Variants in VIRMA observed in about 807,000 individuals in gnomAD.
VIRMA encodes vir like m6A methyltransferase associated.
Under a neutral mutation model 182.4 loss-of-function variants are expected in VIRMA, and 65 were observed. That is an observed-to-expected ratio of 0.36 (90% CI 0.29 to 0.44). The LOEUF is 0.44. VIRMA is among the 20% of genes least tolerant of loss of function. VIRMA has a pLI of 1.00. For synonymous variants in VIRMA, 709 were observed against 743.1 expected, an observed-to-expected ratio of 0.95 and a Z score of 0.75; for missense variants, 1,752 against 2,158.1, an observed-to-expected ratio of 0.81 and a Z score of 3.73.
intron 2 of VIRMA, among the ~76,000 whole-genome samples, chr8:94,539,438 C>T (rs1370294200): frequency 6.6e-6 from 1 of 152,144 alleles, no homozygotes; most frequent in Admixed American, 6.5e-5. Context: ...AATCTTACTA[C>T]ACTTTATGTA....
Position 94,509,746 on chromosome 8 carries a change from A to C in VIRMA, c.3821T>G (p.Val1274Gly), listed in dbSNP as rs1214517019. 1.9e-6 allele frequency: 3 copies of C among 1,614,082 alleles called. No individual in the cohort carries two copies. Among genetic ancestry groups the C allele is most frequent in the Admixed American group, 3.3e-5 (2 of 60,012 alleles). ...ATATTCAACACACTGTTGGCGAATAACACTGTCTCCAGGAGACCGCACCAA... is the reference window on the plus strand; with the variant it reads ...ATATTCAACACACTGTTGGCGAATACCACTGTCTCCAGGAGACCGCACCAA... ...LALVRSPGDS[V>G]IRQQCVEYVT... The change falls in exon 15 of 24, where the codon GTT (valine) becomes GGT (glycine). Residue 1274 changes from valine (V) to glycine (G), a missense_variant. By Grantham distance (109) the Val-to-Gly change is moderately radical. Transcript: ENST00000297591.
chr8:94,538,622 CGGTGTTACA>C (rs143206943), intron 2 of VIRMA, among the ~76,000 whole-genome samples: 1 of 151,576 alleles, frequency 6.6e-6, no homozygotes, highest in African/African-American at 2.4e-5. Context: ...TTTTTTGAGA[CGGTGTTACA>C]GAGTTTCGCT....
intron 10 of VIRMA, 41 bp from the exon 11 acceptor site, chr8:94,514,992 G>A (rs755241909): frequency 5.7e-5 from 55 of 965,970 alleles, no homozygotes; most frequent in Non-Finnish European, 8.3e-5. Flanking sequence ...AAAATAGAAG[G>A]CTTTATAACA....
At chr8:94,544,404 G>A (rs1376971893) in intron 1 of VIRMA, among the ~76,000 whole-genome samples, 1 of 152,076 alleles carries the variant, frequency 6.6e-6, no homozygotes, top group Non-Finnish European at 1.5e-5. Context: ...CGGGCGCAGT[G>A]GCTCACACCT....
chr8:94,490,001 C>A lies in VIRMA; in HGVS notation c.5222G>T (p.Arg1741Leu). 6.2e-7 allele frequency: 1 copy of A among 1,614,154 alleles called. No homozygotes were observed. Among genetic ancestry groups the A allele is most frequent in the Non-Finnish European group, 8.5e-7 (1 of 1,180,010 alleles). The part of the protein sequence containing the change: ...NTPRGNYNES[R>L]GGQSNFNRGP... ...TCTGTTAAAATTGCTCTGGCCTCCA[C>A]GACTTTCATTGTAATTTCCTCGAGG... Residue 1741 changes from arginine (R) to leucine (L), a missense_variant, in exon 23 of 24, where the codon CGT (arginine) becomes CTT (leucine). By Grantham distance (102) the Arg-to-Leu change is moderately radical (BLOSUM62 -2). Transcript: ENST00000297591.
intron 2 of VIRMA, among the ~76,000 whole-genome samples, chr8:94,539,708 G>A (rs765961998): frequency 5.3e-5 from 8 of 152,126 alleles, no homozygotes; most frequent in South Asian, 2.1e-4. Flanking sequence ...CCGTTTGAAC[G>A]TACCCCACAA....
intron 15 of VIRMA, among the ~76,000 whole-genome samples, chr8:94,508,540 C>T (rs1814246757): frequency 6.6e-6 from 1 of 152,086 alleles, no homozygotes; most frequent in African/African-American, 2.4e-5. Flanking sequence ...CAATGAGATT[C>T]GTGTGACCAA....
rs760120023 is a variant in VIRMA at position 94,495,851 on chromosome 8, T to C, written c.4424A>G (p.Asp1475Gly). The change falls in exon 19 of 24, where the codon GAC (aspartate) becomes GGC (glycine). Residue 1475 changes from aspartate (D) to glycine (G), a missense_variant. Asp to Gly is a moderately conservative substitution (Grantham distance 94). This residue lies in a region of VIRMA where 777 missense variants were observed against 920.6 expected (regional missense o/e 0.84). Transcript: ENST00000297591. ...KDDDNLDSLLDSVVGLKQMLE... is the reference protein window; with the variant it reads ...KDDDNLDSLLGSVVGLKQMLE... ...CATCTGCTTAAGTCCAACTACACTGTCCAACAAAGAATCCAGATTGTCATC... is the reference window on the plus strand; with the variant it reads ...CATCTGCTTAAGTCCAACTACACTGCCCAACAAAGAATCCAGATTGTCATC... The C allele has an allele frequency of 1.2e-6, 2 of 1,613,600 alleles. No individual in the cohort carries two copies. The highest frequency in any genetic ancestry group is 1.7e-6 in the Non-Finnish European group (2 of 1,179,830).
In VIRMA at chr8:94,488,223, G is replaced by T. The variant is rs1238012419; in HGVS notation, c.*483C>A. 6.5e-6 allele frequency: 1 copy of T among 152,676 alleles called. No homozygotes were observed. The highest frequency in any genetic ancestry group is 1.5e-5 in the Non-Finnish European group (1 of 68,362). 9.5% of individuals were successfully genotyped at this position (152,676 alleles called of 1,614,324 possible). A position where few individuals can be genotyped will look rare whatever the true frequency, so the allele number is the denominator to read the frequency against. On this transcript the variant is annotated 3_prime_UTR_variant, in exon 24 of 24. Coordinates refer to ENST00000297591, the MANE Select transcript of VIRMA (RefSeq NM_015496.5). ...ACTGTGCAAGAAGCAGAGAGGAAAA[G>T]AAAATGATACTGATTCCAAGGTTTG... is the stretch of plus-strand genomic sequence containing the variant.
At chr8:94,503,434 A>G (rs1482293195) in intron 16 of VIRMA, among the ~76,000 whole-genome samples, 1 of 152,182 alleles carries the variant, frequency 6.6e-6, no homozygotes, top group Non-Finnish European at 1.5e-5. Flanking sequence ...GAATAATGTC[A>G]ATCTAATTAT....
At chr8:94,499,756 C>A (rs995862652) in intron 16 of VIRMA, among the ~76,000 whole-genome samples, 1 of 152,058 alleles carries the variant, frequency 6.6e-6, no homozygotes, top group East Asian at 1.9e-4. Context: ...TAAAATTTAA[C>A]ACAAGAGGCT....
intron 4 of VIRMA, 131 bp from the exon 5 acceptor site, chr8:94,535,138 A>G: frequency 1.5e-6 from 2 of 1,357,604 alleles, no homozygotes; most frequent in Non-Finnish European, 1.9e-6. Flanking sequence ...AAGTCAACAC[A>G]AAGTGAAATT....
intron 7 of VIRMA, among the ~76,000 whole-genome samples, chr8:94,528,663 A>C (rs1815054144): frequency 6.6e-6 from 1 of 152,240 alleles, no homozygotes; most frequent in Non-Finnish European, 1.5e-5. Flanking sequence ...TTGCTAAAAT[A>C]TCTAGGTGGC....
chr8:94,491,514 T>C lies in VIRMA; in HGVS notation c.5140+64A>G, dbSNP rs1813607137. On this transcript the variant is annotated intron_variant, in intron 22 of 23. Coordinates refer to ENST00000297591, the MANE Select transcript of VIRMA (RefSeq NM_015496.5). The stretch of plus-strand genomic sequence containing the variant: ...TCTGAATCTCTTCCATCTAAATCAC[T>C]TTCATTCAATATTTTAACATTCCAA... The C allele has an allele frequency of 4.9e-6, 7 of 1,419,870 alleles. No individual in the cohort carries two copies. In the Middle Eastern group the frequency reaches 7.3e-4, roughly 147 times the overall value. 88.0% of individuals were successfully genotyped at this position (1,419,870 alleles called of 1,614,324 possible). A position where few individuals can be genotyped will look rare whatever the true frequency, so the allele number is the denominator to read the frequency against.
In VIRMA at chr8:94,526,440, C is replaced by T. The variant is rs1814969782; in HGVS notation, c.1804G>A (p.Glu602Lys). 2 of 1,613,866 alleles carry T rather than the reference C, an allele frequency of 1.2e-6. No individual in the cohort carries two copies. The highest frequency in any genetic ancestry group is 3.3e-5 in the Admixed American group (2 of 59,932). The change falls in exon 8 of 24, where the codon GAA becomes AAA. Residue 602 changes from glutamate (E) to lysine (K), a missense_variant. This residue lies in a region of VIRMA where 401 missense variants were observed against 455.1 expected (regional missense o/e 0.88). Transcript: ENST00000297591. ...AGLERTNPEY[E>K]NEVEASMDMD... ...TCCATAGAAGCTTCCACCTCATTTT[C>T]ATATTCTGGGTTTGTTCTCTCAAGT...
chr8:94,542,352 G>C (rs534694241), intron 2 of VIRMA, among the ~76,000 whole-genome samples: 1 of 152,258 alleles, frequency 6.6e-6, no homozygotes, highest in African/African-American at 2.4e-5. Context: ...TGGCAAAGAA[G>C]TGAAGCCTCC....
rs1477520513 is a variant in VIRMA, at chr8:94,496,394, T to C, written c.4317A>G (p.Lys1439=). 6.2e-7 allele frequency: 1 copy of C among 1,613,844 alleles called. No homozygotes were observed. Among genetic ancestry groups the C allele is most frequent in the Admixed American group, 1.7e-5 (1 of 60,012 alleles). Residue 1439 remains lysine (K), a synonymous_variant, in exon 18 of 24, where the codon AAA becomes AAG. Coordinates refer to ENST00000297591, the MANE Select transcript of VIRMA (RefSeq NM_015496.5). The part of the protein sequence containing the change: ...RTMSINAAEL[K]QLLQSKEESP... ...TTTCTTCTTTGCTTTGTAGAAGCTG[T>C]TTTAACTCTGCAGCATTAATACTCA...
chr8:94,510,504 A>G lies in VIRMA; in HGVS notation c.3539T>C (p.Ile1180Thr), dbSNP rs1339790033. Reference sequence around the variant, plus strand: ...GGCAAGGTCACACAATTGAACACAAATACGCCGTAACATATGTTGAATGGG... The same window carrying G: ...GGCAAGGTCACACAATTGAACACAAGTACGCCGTAACATATGTTGAATGGG... The part of the protein sequence containing the change: ...CQPIQHMLRR[I>T]CVQLCDLASP... The change falls in exon 14 of 24, where the codon ATT becomes ACT. Residue 1180 changes from isoleucine (I) to threonine (T), a missense_variant. This residue lies in a region of VIRMA where 777 missense variants were observed against 920.6 expected (regional missense o/e 0.84). Coordinates refer to ENST00000297591, the MANE Select transcript of VIRMA (RefSeq NM_015496.5). The G allele has an allele frequency of 6.2e-7, 1 of 1,614,048 alleles. No individual in the cohort carries two copies. Among genetic ancestry groups the G allele is most frequent in the African/African-American group, 1.3e-5 (1 of 74,938 alleles).
intron 2 of VIRMA, among the ~76,000 whole-genome samples, chr8:94,539,811 G>T (rs1815477572): frequency 6.6e-6 from 1 of 152,218 alleles, no homozygotes; most frequent in Non-Finnish European, 1.5e-5. Flanking sequence ...CTGCCCTCAT[G>T]AATGAATGAA....
Sources: gnomAD v4.1 joint callset for allele counts (sites outside exome capture counted in the v4.1 genomes callset) on GRCh38, gnomAD v4.1.1 for gene constraint, gnomAD v4.1.1 regional missense constraint, MANE v1.5 for transcripts, NCBI Gene and HGNC (gene_info 2026-07-23, HGNC 2026-07-21) for gene names.